The following SLC35A5 variants were observed in gnomAD, a reference collection of about 807,000 sequenced individuals.
SLC35A5 encodes UDP-sugar transporter protein SLC35A5.
A neutral mutation model predicts 36.3 loss-of-function variants in SLC35A5; 28 were observed. That is an observed-to-expected ratio of 0.77 (90% CI 0.57 to 1.06). SLC35A5 has a LOEUF of 1.06. SLC35A5 is among the 50% of genes least tolerant of loss of function. The pLI, the probability that SLC35A5 is intolerant of heterozygous loss-of-function variation, is 0.00. For missense variants in SLC35A5, 521 were observed against 499.3 expected, an observed-to-expected ratio of 1.04 and a Z score of -0.41; for synonymous variants, 180 against 173.7, an observed-to-expected ratio of 1.04 and a Z score of -0.29.
chr3:112,570,729 A>ATTTTT, intron 4 of SLC35A5, 59 bp downstream of exon 4: 3 of 1,178,174 alleles, frequency 2.5e-6, no homozygotes, highest in Admixed American at 3.0e-5. Context: ...AAATCCCAGA[A>ATTTTT]TTTTTTTTTT....
At chr3:112,567,833 G>T (rs914477062) in intron 2 of SLC35A5, among the ~76,000 whole-genome samples, 12 of 152,198 alleles carry the variant, frequency 7.9e-5, no homozygotes, top group African/African-American at 2.7e-4. Context: ...AGTGACAAGG[G>T]TTTGAAAGTT....
intron 4 of SLC35A5, among the ~76,000 whole-genome samples, chr3:112,572,004 G>A (rs1427117808): frequency 3.2e-5 from 4 of 126,128 alleles, no homozygotes; most frequent in African/African-American, 9.2e-5. Context: ...CTGCAGTGGC[G>A]CAATCTCGGC....
intron 1 of SLC35A5, among the ~76,000 whole-genome samples, chr3:112,563,177 GGTTCTAC>G (rs1934016578): frequency 6.6e-6 from 1 of 152,172 alleles, no homozygotes; most frequent in Non-Finnish European, 1.5e-5. Flanking sequence ...GGTCTAATCT[GGTTCTAC>G]GTTTTCTGTC....
chr3:112,577,075 T>A (rs1013453995), intron 5 of SLC35A5, among the ~76,000 whole-genome samples: 11 of 119,754 alleles, frequency 9.2e-5, no homozygotes, highest in Admixed American at 4.1e-4. Flanking sequence ...GAATAATTTT[T>A]AAAAAAAATT....
chr3:112,563,032 C>A (rs1292943742), intron 1 of SLC35A5, among the ~76,000 whole-genome samples: 2 of 152,318 alleles, frequency 1.3e-5, no homozygotes, highest in Admixed American at 1.3e-4. Flanking sequence ...TGCACTCCAG[C>A]CTGGGTGACA....
rs1184058515 is a variant in SLC35A5, at chr3:112,580,735, A to C, written c.618A>C (p.Thr206=). Residue 206 remains threonine, a synonymous_variant, in exon 6 of 7, where the codon ACA becomes ACC. Transcript: ENST00000492406. ...AGTGTCCCAGAAAAGACAATTGTAC[A>C]GCAAAGGAATGGACTTTTCCTGAAG... ...RSECPRKDNC[T]AKEWTFPEAK... is the part of the protein sequence containing the mutation. 6.2e-7 allele frequency: 1 copy of C among 1,614,064 alleles called. No homozygotes were observed. The highest frequency in any genetic ancestry group is 8.5e-7 in the Non-Finnish European group (1 of 1,180,014).
At chr3:112,569,002 A>G (rs1934317062) in intron 2 of SLC35A5, among the ~76,000 whole-genome samples, 169 bp from the exon 3 acceptor site, 2 of 152,266 alleles carry the variant, frequency 1.3e-5, no homozygotes, top group South Asian at 2.1e-4. Flanking sequence ...GATAGCTAAT[A>G]CATTAGGTGA....
At chr3:112,570,835 C>T (rs561662758) in intron 4 of SLC35A5, among the ~76,000 whole-genome samples, 165 bp downstream of exon 4, 139 of 152,144 alleles carry the variant, frequency 9.1e-4, no homozygotes, top group African/African-American at 3.2e-3. Context: ...TATCAATATG[C>T]GTGCCAGGTT....
rs1318322759 is a variant in SLC35A5 at position 112,572,271 on chromosome 3, TAGGC to T, written c.360+1606_360+1609del. Among the ~76,000 whole-genome samples, 10 of 152,114 alleles carry T rather than the reference TAGGC, an allele frequency of 6.6e-5. No homozygotes were observed. In the East Asian group the frequency reaches 1.9e-3, roughly 29 times the overall value. The stretch of plus-strand genomic sequence containing the variant: ...TTCCACAGTTTAGAAGCTGTGTAAC[TAGGC>T]AGGCCCAACTGCTTTAAGTTTCAGT... On this transcript the variant is annotated intron_variant, in intron 4 of 6. Coordinates refer to ENST00000492406, the MANE Select transcript of SLC35A5 (RefSeq NM_017945.5).
chr3:112,571,303 A>G (rs1270039516), intron 4 of SLC35A5, among the ~76,000 whole-genome samples: 2 of 152,164 alleles, frequency 1.3e-5, no homozygotes, highest in Non-Finnish European at 2.9e-5. Context: ...TTCTGCTTTC[A>G]CTTATTACTC....
upstream of SLC35A5, chr3:112,561,862 GCTGT>G (rs1454124939): frequency 2.6e-5 from 8 of 307,060 alleles, no homozygotes; most frequent in Non-Finnish European, 4.3e-5. Flanking sequence ...CCCTCTGCGA[GCTGT>G]CTGTCCTCGC....
At chr3:112,568,500 T>C (rs56253335) in intron 2 of SLC35A5, among the ~76,000 whole-genome samples, 2,452 of 152,336 alleles carry the variant, frequency 0.016, 54 homozygotes, top group African/African-American at 0.052. Flanking sequence ...CTAATTCTAT[T>C]GATTTGCAGT....
intron 2 of SLC35A5, among the ~76,000 whole-genome samples, chr3:112,568,384 A>G (rs1442681529): frequency 6.6e-6 from 1 of 152,208 alleles, no homozygotes; most frequent in Non-Finnish European, 1.5e-5. Flanking sequence ...AGTACCCAAT[A>G]AAGTTTATGT....
chr3:112,570,485 C>G, intron 3 of SLC35A5, 55 bp from the exon 4 acceptor site: 1 of 1,541,766 alleles, frequency 6.5e-7, no homozygotes, highest in South Asian at 1.2e-5. Context: ...AGTGTAATTT[C>G]TCTAAAAATG....
chr3:112,584,603 T>A lies in SLC35A5; in HGVS notation c.*1867T>A, dbSNP rs938620665. 2 of 152,168 alleles carry A rather than the reference T, an allele frequency of 1.3e-5. No homozygotes were observed. Among genetic ancestry groups the A allele is most frequent in the African/African-American group, 4.8e-5 (2 of 41,440 alleles). The allele number at this position is 152,168 out of a possible 1,614,324, so 9.4% of individuals were successfully genotyped here. A position where few individuals can be genotyped will look rare whatever the true frequency, so the allele number is the denominator to read the frequency against. ...TTACTTATGTTAACTTGCCACTTAA[T>A]GAGAGAGGAAGAGAAAGAGTGAGAG... On this transcript the variant is annotated 3_prime_UTR_variant, in exon 7 of 7. Coordinates refer to ENST00000492406, the MANE Select transcript of SLC35A5 (RefSeq NM_017945.5).
upstream of SLC35A5, chr3:112,561,587 G>T (rs1318089138): frequency 9.1e-6 from 14 of 1,538,534 alleles, no homozygotes; most frequent in Non-Finnish European, 1.2e-5. Context: ...CCGTGTCAGG[G>T]GCCAGGGAGT....
rs1316422601 is a variant in SLC35A5, at chr3:112,583,053, C to G, written c.*317C>G. 1 of 444,118 alleles carries G rather than the reference C, an allele frequency of 2.3e-6. No individual in the cohort carries two copies. Among genetic ancestry groups the G allele is most frequent in the Non-Finnish European group, 3.9e-6 (1 of 253,376 alleles). The allele number at this position is 444,118 out of a possible 1,614,324, so 27.5% of individuals were successfully genotyped here. A position where few individuals can be genotyped will look rare whatever the true frequency, so the allele number is the denominator to read the frequency against. Reference sequence around the variant, plus strand: ...AAAAAACTTGTAATAATCATGTTAGCTATAGCTTGTATATACACATAGAGA... The same window carrying G: ...AAAAAACTTGTAATAATCATGTTAGGTATAGCTTGTATATACACATAGAGA... On this transcript the variant is annotated 3_prime_UTR_variant, in exon 7 of 7. Transcript: ENST00000492406.
At chr3:112,581,379 A>G (rs1331426499) in intron 6 of SLC35A5, 53 bp downstream of exon 6, 1 of 1,499,086 alleles carries the variant, frequency 6.7e-7, no homozygotes, top group African/African-American at 1.4e-5. Flanking sequence ...TTTAAAGCAT[A>G]GTTAATTCAA....
At chr3:112,563,955 G>T (rs1423782927) in intron 2 of SLC35A5, among the ~76,000 whole-genome samples, 2 of 152,196 alleles carry the variant, frequency 1.3e-5, no homozygotes, top group African/African-American at 4.8e-5. Context: ...CGGTCATATT[G>T]TATCAACAGT....
Sources: gnomAD v4.1 joint callset for allele counts (sites outside exome capture counted in the v4.1 genomes callset) on GRCh38, gnomAD v4.1.1 for gene constraint, MANE v1.5 for transcripts, NCBI Gene and HGNC (gene_info 2026-07-23, HGNC 2026-07-21) for gene names.